HMCN2: variants seen among roughly 807,000 people sequenced by gnomAD.
The protein encoded by HMCN2 is hemicentin 2, also known as hemicentin-2.
Under a neutral mutation model 377.5 loss-of-function variants are expected in HMCN2, and 325 were observed. That is an observed-to-expected ratio of 0.86 (90% confidence interval 0.79 to 0.94). The LOEUF is 0.94. HMCN2 is among the 40% of genes least tolerant of loss of function. The pLI is 0.00. For synonymous variants in HMCN2, 2,007 were observed against 2,046.8 expected, an observed-to-expected ratio of 0.98 and a Z score of 0.53; for missense variants, 4,543 against 4,725.3, an observed-to-expected ratio of 0.96 and a Z score of 1.13.
chr9:130,370,595 C>T (rs1840967394), intron 45 of HMCN2, among the ~76,000 whole-genome samples: 1 of 152,238 alleles, frequency 6.6e-6, no homozygotes, highest in African/African-American at 2.4e-5. Context: ...AGCTTCCACA[C>T]GTGGATTTGG....
At chr9:130,299,844 C>CACCT (rs1836395658) in intron 8 of HMCN2, among the ~76,000 whole-genome samples, 1 of 142,976 alleles carries the variant, frequency 7.0e-6, no homozygotes, top group African/African-American at 2.5e-5. Context: ...TCCATCCACC[C>CACCT]ACCCATTCAC....
At chr9:130,413,858 A>G (rs1843546261) in intron 85 of HMCN2, among the ~76,000 whole-genome samples, 2 of 151,882 alleles carry the variant, frequency 1.3e-5, no homozygotes, top group Admixed American at 6.6e-5. Context: ...GTAAATAACA[A>G]CCCCTAACTG....
rs565140018 is a variant in HMCN2 at position 130,422,305 on chromosome 9, G to A, written c.13232-272G>A. Among the ~76,000 whole-genome samples, 1 of 152,366 alleles carries A rather than the reference G, an allele frequency of 6.6e-6. No individual in the cohort carries two copies. The highest frequency in any genetic ancestry group is 6.5e-5 in the Admixed American group (1 of 15,314). On this transcript the variant is annotated intron_variant, in intron 86 of 97. Coordinates refer to ENST00000683500, the MANE Select transcript of HMCN2 (RefSeq NM_001291815.2). The surrounding 1 kb of genome is among the most constrained non-coding windows in gnomAD (Gnocchi z 4.2). ...ACTCAGGTGTGGCTTGGGGGCCTGA[G>A]GTGGCCAGGTTTTAAGGAATGGCAG...
At chr9:130,306,738 TG>T (rs1483479056) in intron 12 of HMCN2, 72 bp from the exon 13 acceptor site, 1 of 425,012 alleles carries the variant, frequency 2.4e-6, no homozygotes, top group African/African-American at 2.0e-5. Flanking sequence ...GCATTGTTAG[TG>T]AATTTGTTAT....
chr9:130,307,351 G>A, intron 13 of HMCN2, 102 bp from the exon 14 acceptor site: 1 of 455,244 alleles, frequency 2.2e-6, no homozygotes, highest in Admixed American at 2.4e-5. Flanking sequence ...GGAGGCCGGT[G>A]TGGTGAGTTG....
At chr9:130,398,940 CAG>C (rs964549803) in intron 75 of HMCN2, among the ~76,000 whole-genome samples, 24 of 152,176 alleles carry the variant, frequency 1.6e-4, no homozygotes, top group African/African-American at 5.1e-4. Context: ...TTATATCCAC[CAG>C]AGTCACTCTT....
chr9:130,370,832 G>A (rs1271735371), intron 45 of HMCN2, 132 bp from the exon 46 acceptor site: 2 of 442,988 alleles, frequency 4.5e-6, no homozygotes, highest in African/African-American at 4.3e-5. Flanking sequence ...GAGCAGCTCT[G>A]CTCTCGTCAC....
chr9:130,366,467 ATTT>A lies in HMCN2; in HGVS notation c.6625+496_6625+498del, dbSNP rs71499234. Among the ~76,000 whole-genome samples the A allele has an allele frequency of 2.7e-3, 220 of 82,968 alleles. 1 individual carries two copies. Among genetic ancestry groups the A allele is most frequent in the Middle Eastern group, 9.8e-3 (1 of 102 alleles). The allele number at this position is 82,968 out of a possible 152,430, so 54.4% of individuals were successfully genotyped here. On this transcript the variant is annotated intron_variant, in intron 43 of 97. Coordinates refer to ENST00000683500, the MANE Select transcript of HMCN2 (RefSeq NM_001291815.2). The stretch of plus-strand genomic sequence containing the variant: ...AAAACATTTGGAATTCACTTCACCA[ATTT>A]TTTTTTTTTTTTTTTTTTTTTTTGC...
At chr9:130,280,150 GT>G (rs1226580626) in intron 1 of HMCN2, among the ~76,000 whole-genome samples, 549 of 50,366 alleles carry the variant, frequency 0.011, 3 homozygotes, top group Middle Eastern at 0.058. Flanking sequence ...GTGTGTGTGT[GT>G]TTTTTTTTTT....
chr9:130,349,442 C>T, intron 28 of HMCN2, 95 bp from the exon 29 acceptor site: 1 of 1,218,532 alleles, frequency 8.2e-7, no homozygotes, highest in Admixed American at 2.8e-5. Flanking sequence ...GGAGGGGGGC[C>T]CAGGCTGGGG....
chr9:130,279,499 T>A (rs1055890590), intron 1 of HMCN2, among the ~76,000 whole-genome samples: 13 of 152,048 alleles, frequency 8.5e-5, no homozygotes, highest in African/African-American at 2.9e-4. Context: ...ATTACAAGCA[T>A]GTGCCACCAC....
chr9:130,301,186 C>A (rs1342328845), intron 8 of HMCN2, among the ~76,000 whole-genome samples: 2 of 152,178 alleles, frequency 1.3e-5, no homozygotes, highest in Non-Finnish European at 2.9e-5. Context: ...GAGCTGGAGA[C>A]CTCTTCTTTC....
chr9:130,382,611 G>A (rs913515990), intron 55 of HMCN2, 68 bp from the exon 56 acceptor site: 4 of 631,574 alleles, frequency 6.3e-6, no homozygotes, highest in East Asian at 1.4e-4. Context: ...TGCCACTCTC[G>A]CCTCCACGGC....
At chr9:130,352,817 G>T in intron 30 of HMCN2, 110 bp from the exon 31 acceptor site, 1 of 911,170 alleles carries the variant, frequency 1.1e-6, no homozygotes. Flanking sequence ...CCCCCGCAAT[G>T]GAAGCCTGTG....
At chr9:130,392,740 G>A (rs1483358177) in intron 66 of HMCN2, among the ~76,000 whole-genome samples, 2 of 141,584 alleles carry the variant, frequency 1.4e-5, no homozygotes, top group Non-Finnish European at 3.1e-5. Flanking sequence ...GCTCACGCCT[G>A]TAATCCAGCA....
chr9:130,319,044 G>A lies in HMCN2; in HGVS notation c.2351-451G>A, dbSNP rs1046176100. On this transcript the variant is annotated intron_variant, in intron 15 of 97. Transcript: ENST00000683500. Reference sequence around the variant, plus strand: ...GCTTAAGCATCAGAGGGGAGCTCAGGACACCTCCAAGAGAAAGCCTCTCTG... The same window carrying A: ...GCTTAAGCATCAGAGGGGAGCTCAGAACACCTCCAAGAGAAAGCCTCTCTG... Among the ~76,000 whole-genome samples the A allele has an allele frequency of 6.9e-3, 1,045 of 152,296 alleles. 10 individuals are homozygous for A. The highest frequency in any genetic ancestry group is 0.024 in the African/African-American group (994 of 41,552).
intron 55 of HMCN2, 131 bp downstream of exon 55, chr9:130,382,428 G>A (rs1841779219): frequency 7.3e-6 from 2 of 274,760 alleles, no homozygotes; most frequent in African/African-American, 2.3e-5. Context: ...TTACATGCTC[G>A]GCCTCAAAGA....
At chr9:130,374,089 T>C (rs1461925498) in intron 48 of HMCN2, among the ~76,000 whole-genome samples, 1 of 151,384 alleles carries the variant, frequency 6.6e-6, no homozygotes, top group African/African-American at 2.4e-5. Context: ...GTTGGATAGT[T>C]GGATGGTTGG....
intron 15 of HMCN2, among the ~76,000 whole-genome samples, chr9:130,312,344 A>G (rs1837288618): frequency 6.6e-6 from 1 of 151,866 alleles, no homozygotes. Flanking sequence ...AGCTGCTGAC[A>G]CTGGTATTAG....
Sources: gnomAD v4.1 joint callset for allele counts (sites outside exome capture counted in the v4.1 genomes callset) on GRCh38, gnomAD v4.1.1 for gene constraint, Gnocchi (gnomAD v3.1) non-coding constraint, MANE v1.5 for transcripts, NCBI Gene and HGNC (gene_info 2026-07-23, HGNC 2026-07-21) for gene names.